The following PDE10A variants were observed in gnomAD, a reference collection of about 807,000 sequenced individuals.
PDE10A encodes the protein phosphodiesterase 10A, also known as cAMP and cAMP-inhibited cGMP 3',5'-cyclic phosphodiesterase 10A.
PDE10A carries 39 observed loss-of-function variants against 97.7 expected under a neutral mutation model. That is an observed-to-expected ratio of 0.40 (90% CI 0.31 to 0.52). The LOEUF is 0.52. Ranked by LOEUF, PDE10A falls within the 20% of genes least tolerant of loss-of-function variation. The pLI, the probability that PDE10A is intolerant of heterozygous loss-of-function variation, is 0.56. For synonymous variants in PDE10A, 371 were observed against 376.8 expected, an observed-to-expected ratio of 0.98 and a Z score of 0.18; for missense variants, 731 against 1,047.8, an observed-to-expected ratio of 0.70 and a Z score of 4.17.
intron 1 of PDE10A, among the ~76,000 whole-genome samples, chr6:165,589,154 A>G (rs1337792386): frequency 6.6e-6 from 1 of 152,228 alleles, no homozygotes; most frequent in East Asian, 1.9e-4. Context: ...GCAAACATAC[A>G]GAGCATGCAA....
chr6:165,423,445 C>G (rs1360885864), intron 10 of PDE10A, among the ~76,000 whole-genome samples: 4 of 152,202 alleles, frequency 2.6e-5, no homozygotes, highest in Admixed American at 2.6e-4. Context: ...TTCTCACAAG[C>G]TAAAGACGCT....
intron 1 of PDE10A, among the ~76,000 whole-genome samples, chr6:165,954,141 T>A (rs1264157449): frequency 6.6e-6 from 1 of 152,230 alleles, no homozygotes; most frequent in Non-Finnish European, 1.5e-5. Context: ...AGTTTGTTTA[T>A]CCATTTACCT....
intron 1 of PDE10A, among the ~76,000 whole-genome samples, chr6:165,653,249 C>T (rs1789771755): frequency 6.6e-6 from 1 of 152,162 alleles, no homozygotes; most frequent in African/African-American, 2.4e-5. Context: ...GCAACATGCT[C>T]GGCACTGAGG....
intron 1 of PDE10A, among the ~76,000 whole-genome samples, chr6:165,624,264 G>A (rs937386827): frequency 3.9e-5 from 6 of 152,078 alleles, no homozygotes; most frequent in Admixed American, 2.0e-4. Context: ...GGTCTCTCTC[G>A]CTCCCCACCC....
intron 1 of PDE10A, among the ~76,000 whole-genome samples, chr6:165,787,847 C>A (rs1055861365): frequency 2.2e-4 from 33 of 152,188 alleles, no homozygotes; most frequent in African/African-American, 7.5e-4. Context: ...CTAAAATCAT[C>A]TGAGAATCAG....
At chr6:165,607,458 C>T (rs185889725) in intron 1 of PDE10A, among the ~76,000 whole-genome samples, 24 of 152,232 alleles carry the variant, frequency 1.6e-4, no homozygotes, top group Non-Finnish European at 5.9e-5. Context: ...CAGTGACATG[C>T]TGCATAGGGA....
chr6:165,590,281 A>G (rs1259872711), intron 1 of PDE10A, among the ~76,000 whole-genome samples: 1 of 152,230 alleles, frequency 6.6e-6, no homozygotes, highest in African/African-American at 2.4e-5. Context: ...AATTAGTATT[A>G]TTCCCTCCAT....
At chr6:165,880,054 G>A (rs1016550490) in intron 1 of PDE10A, among the ~76,000 whole-genome samples, 9 of 151,984 alleles carry the variant, frequency 5.9e-5, no homozygotes, top group African/African-American at 1.7e-4. Context: ...GGAAAGTAAA[G>A]CTCCAGAAAG....
chr6:165,573,696 C>A (rs910134516), intron 1 of PDE10A, among the ~76,000 whole-genome samples: 3 of 152,184 alleles, frequency 2.0e-5, no homozygotes, highest in Middle Eastern at 3.4e-3. Flanking sequence ...ATTATTTCTG[C>A]CAAACAATTC....
intron 1 of PDE10A, among the ~76,000 whole-genome samples, chr6:165,922,780 C>A (rs1183231551): frequency 6.6e-6 from 1 of 152,154 alleles, no homozygotes; most frequent in East Asian, 1.9e-4. Flanking sequence ...TAGATCTGCT[C>A]ACAACTGTTT....
intron 2 of PDE10A, among the ~76,000 whole-genome samples, chr6:165,483,732 A>G (rs935773751): frequency 4.6e-5 from 7 of 152,240 alleles, no homozygotes; most frequent in African/African-American, 1.4e-4. Context: ...AAGACCGCAT[A>G]GAGTCACCTA....
intron 3 of PDE10A, among the ~76,000 whole-genome samples, chr6:165,450,762 T>C (rs1359736966): frequency 6.6e-6 from 1 of 152,052 alleles, no homozygotes; most frequent in South Asian, 2.1e-4. Context: ...GCTTTCACCA[T>C]GTTGCCCAGG....
chr6:165,718,368 T>C (rs1792079878), intron 1 of PDE10A: 1 of 152,168 alleles, frequency 6.6e-6, no homozygotes, highest in East Asian at 1.9e-4. Flanking sequence ...AAATACATTA[T>C]CATAAATAGA....
intron 1 of PDE10A, among the ~76,000 whole-genome samples, chr6:165,686,713 A>G (rs572605619): frequency 4.7e-4 from 72 of 152,290 alleles, no homozygotes; most frequent in East Asian, 7.7e-4. Context: ...ACCCTCAGAG[A>G]GTGCAACAGC....
intron 1 of PDE10A, among the ~76,000 whole-genome samples, chr6:165,641,260 C>T (rs1358785): frequency 0.49 from 75,139 of 151,894 alleles, 19,619 homozygotes; most frequent in East Asian, 0.67. Flanking sequence ...TTTAGAAAGA[C>T]AAATAAAAAT....
At chr6:165,937,796 C>T (rs1189833573) in intron 1 of PDE10A, among the ~76,000 whole-genome samples, 2 of 152,130 alleles carry the variant, frequency 1.3e-5, no homozygotes, top group African/African-American at 4.8e-5. Flanking sequence ...CAGATATTAT[C>T]CAGTTCTATA....
intron 1 of PDE10A, among the ~76,000 whole-genome samples, chr6:165,783,947 C>T (rs913015353): frequency 3.3e-5 from 5 of 152,200 alleles, no homozygotes; most frequent in Admixed American, 6.5e-5. Context: ...TGGCCGGGCG[C>T]GGTGGCTCAC....
chr6:165,854,530 C>G (rs1189949855), intron 1 of PDE10A, among the ~76,000 whole-genome samples: 5 of 152,206 alleles, frequency 3.3e-5, no homozygotes, highest in African/African-American at 1.2e-4. Flanking sequence ...GAGGGGCGGC[C>G]TCAAGGAGCG....
At chr6:165,409,243 T>C (rs1267275264) in intron 13 of PDE10A, among the ~76,000 whole-genome samples, 1 of 149,302 alleles carries the variant, frequency 6.7e-6, no homozygotes, top group African/African-American at 2.5e-5. Flanking sequence ...TTTCAATGTA[T>C]ACCTTAAAGG....
Sources: gnomAD v4.1 joint callset for allele counts (sites outside exome capture counted in the v4.1 genomes callset) on GRCh38, gnomAD v4.1.1 for gene constraint, MANE v1.5 for transcripts, NCBI Gene and HGNC (gene_info 2026-07-23, HGNC 2026-07-21) for gene names.